GRM1: variants seen among roughly 807,000 people sequenced by gnomAD.
GRM1 encodes metabotropic glutamate receptor 1.
In GRM1, 33 loss-of-function variants were observed where a neutral mutation model predicts 90.9. The ratio of observed to expected loss-of-function variants is 0.36; its 90% CI spans 0.28 to 0.49. The LOEUF (loss-of-function observed/expected upper bound fraction) is 0.49. GRM1 is among the 20% of genes least tolerant of loss of function. The pLI is 0.99. For missense variants in GRM1, 1,190 were observed against 1,534.3 expected, an observed-to-expected ratio of 0.78 and a Z score of 3.75; for synonymous variants, 700 against 613.2, an observed-to-expected ratio of 1.14 and a Z score of -2.09.
intron 1 of GRM1, among the ~76,000 whole-genome samples, chr6:146,082,117 A>G (rs566963144): frequency 1.3e-5 from 2 of 152,068 alleles, no homozygotes; most frequent in East Asian, 3.9e-4. Context: ...TCAAATCTAG[A>G]GACATTAACT....
chr6:146,107,436 C>G (rs1428893426), intron 1 of GRM1, among the ~76,000 whole-genome samples: 1 of 151,814 alleles, frequency 6.6e-6, no homozygotes, highest in Non-Finnish European at 1.5e-5. Context: ...AGCCACAGGG[C>G]CTGGCTAGGC....
chr6:146,139,964 T>C (rs543552278), intron 1 of GRM1, among the ~76,000 whole-genome samples: 3 of 83,142 alleles, frequency 3.6e-5, no homozygotes, highest in African/African-American at 2.0e-4. Context: ...CCCCTTCCCT[T>C]CCCTTCCCTC....
At chr6:146,176,762 C>T (rs1301594161) in intron 2 of GRM1, among the ~76,000 whole-genome samples, 1 of 151,964 alleles carries the variant, frequency 6.6e-6, no homozygotes, top group Non-Finnish European at 1.5e-5. Flanking sequence ...AATCTTTTAA[C>T]GAGGTTACTT....
intron 2 of GRM1, among the ~76,000 whole-genome samples, chr6:146,164,695 G>T (rs943972765): frequency 2.6e-5 from 4 of 152,082 alleles, no homozygotes; most frequent in Non-Finnish European, 5.9e-5. Context: ...TCCCTTGGCG[G>T]TACCTTAGCT....
At chr6:146,220,600 C>T (rs994532512) in intron 2 of GRM1, among the ~76,000 whole-genome samples, 7 of 152,144 alleles carry the variant, frequency 4.6e-5, no homozygotes, top group African/African-American at 1.2e-4. Flanking sequence ...TTAGCATCTT[C>T]ATTAAGACAA....
At chr6:146,386,700 A>C (rs780885108) in intron 5 of GRM1, among the ~76,000 whole-genome samples, 190 bp from the exon 6 acceptor site, 3 of 152,118 alleles carry the variant, frequency 2.0e-5, no homozygotes, top group Non-Finnish European at 4.4e-5. Flanking sequence ...GAATGAATTG[A>C]CAATTCCATC....
In GRM1 at chr6:146,161,099, C is replaced by T. The variant is rs116250686; in HGVS notation, c.950+1502C>T. ...TGCACCAGGACAGAGGGTGTCCAGA[C>T]ATTCAGGCCTTTCCATTGCTCTGTA... On this transcript the variant is annotated intron_variant, in intron 2 of 7. Transcript: ENST00000282753. 9.9e-3 allele frequency among the ~76,000 whole-genome samples: 1,508 copies of T among 152,246 alleles called. 22 individuals carry two copies. The highest frequency in any genetic ancestry group is 0.034 in the African/African-American group (1,428 of 41,544).
At chr6:146,298,416 G>T (rs1783262146) in intron 2 of GRM1, among the ~76,000 whole-genome samples, 1 of 152,158 alleles carries the variant, frequency 6.6e-6, no homozygotes, top group African/African-American at 2.4e-5. Flanking sequence ...ACGAGGCTGA[G>T]CCTATTGGAT....
intron 3 of GRM1, chr6:146,340,450 G>C (rs970308577): frequency 1.3e-4 from 20 of 152,428 alleles, no homozygotes; most frequent in African/African-American, 4.8e-4. Flanking sequence ...GAATGCTCCC[G>C]ATCTCGTCTG....
intron 1 of GRM1, among the ~76,000 whole-genome samples, chr6:146,043,946 C>T (rs962914917): frequency 5.3e-5 from 8 of 151,294 alleles, no homozygotes; most frequent in Admixed American, 2.6e-4. Flanking sequence ...TAGTTTAATA[C>T]GCTAAAGATG....
At chr6:146,079,686 T>G (rs1418061679) in intron 1 of GRM1, among the ~76,000 whole-genome samples, 4 of 152,196 alleles carry the variant, frequency 2.6e-5, no homozygotes, top group Non-Finnish European at 5.9e-5. Context: ...TTGAAATGTC[T>G]TTTTCTTCCT....
intron 3 of GRM1, among the ~76,000 whole-genome samples, chr6:146,333,737 T>C (rs1045510456): frequency 6.6e-6 from 1 of 152,056 alleles, no homozygotes; most frequent in African/African-American, 2.4e-5. Context: ...AGAATCCAAG[T>C]GGGCACTGTT....
At chr6:146,239,428 T>C (rs1031884417) in intron 2 of GRM1, among the ~76,000 whole-genome samples, 2 of 152,192 alleles carry the variant, frequency 1.3e-5, no homozygotes, top group Non-Finnish European at 1.5e-5. Context: ...ACTATCTGGT[T>C]TGGGGTCTGT....
chr6:146,316,522 C>T (rs949447773), intron 3 of GRM1, among the ~76,000 whole-genome samples: 8 of 152,354 alleles, frequency 5.3e-5, no homozygotes, highest in Middle Eastern at 3.4e-3. Flanking sequence ...TAAGTCCCTA[C>T]CGGCTGATTC....
chr6:146,060,908 A>G (rs1329055625), intron 1 of GRM1, among the ~76,000 whole-genome samples: 1 of 152,232 alleles, frequency 6.6e-6, no homozygotes, highest in Admixed American at 6.6e-5. Context: ...CCTTGCCAGC[A>G]TCTGTTATTT....
At chr6:146,409,748 A>G (rs887039459) in intron 7 of GRM1, among the ~76,000 whole-genome samples, 4 of 152,204 alleles carry the variant, frequency 2.6e-5, no homozygotes, top group Non-Finnish European at 4.4e-5. Flanking sequence ...TGTACCTATA[A>G]TAACATTTTA....
intron 3 of GRM1, chr6:146,340,353 T>A (rs1242949603): frequency 6.6e-6 from 1 of 152,240 alleles, no homozygotes; most frequent in Non-Finnish European, 1.5e-5. Context: ...GACTTTCTTG[T>A]CCCTTGTTGA....
intron 2 of GRM1, among the ~76,000 whole-genome samples, chr6:146,167,058 C>A (rs141482682): frequency 1.3e-5 from 2 of 152,234 alleles, no homozygotes; most frequent in African/African-American, 4.8e-5. Context: ...CTTGCAGTCT[C>A]TCCTCTGCAA....
intron 4 of GRM1, among the ~76,000 whole-genome samples, chr6:146,355,661 G>A (rs913893944): frequency 1.3e-5 from 2 of 152,000 alleles, no homozygotes; most frequent in African/African-American, 4.8e-5. Context: ...TGTCTAGATT[G>A]AAAAACAAAC....
Sources: gnomAD v4.1 joint callset for allele counts (sites outside exome capture counted in the v4.1 genomes callset) on GRCh38, gnomAD v4.1.1 for gene constraint, MANE v1.5 for transcripts, NCBI Gene and HGNC (gene_info 2026-07-23, HGNC 2026-07-21) for gene names.